Variants in PHF11 observed in about 807,000 individuals in gnomAD.
PHF11 encodes the protein BRCA1 C-terminus-associated protein.
PHF11 carries 38 observed loss-of-function variants against 40.5 expected under a neutral mutation model. The ratio of observed to expected loss-of-function variants is 0.94; its 90% CI spans 0.72 to 1.23. The LOEUF (loss-of-function observed/expected upper bound fraction) is 1.23. PHF11 is among the 50% of genes most tolerant of loss of function. The pLI is 0.00. For missense variants in PHF11, 369 were observed against 392.4 expected, an observed-to-expected ratio of 0.94 and a Z score of 0.50; for synonymous variants, 127 against 138.2, an observed-to-expected ratio of 0.92 and a Z score of 0.57.
chr13:49,500,198 G>A (rs916167883), intron 1 of PHF11, among the ~76,000 whole-genome samples: 2 of 152,090 alleles, frequency 1.3e-5, no homozygotes, highest in African/African-American at 4.8e-5. Context: ...CAATCTTGTC[G>A]GGTCAGGCTC....
chr13:49,513,432 GC>G (rs1443395452), intron 3 of PHF11, among the ~76,000 whole-genome samples: 4 of 150,806 alleles, frequency 2.7e-5, no homozygotes, highest in African/African-American at 9.8e-5. Flanking sequence ...CTGGGTTCAA[GC>G]GATTCTCCTG....
chr13:49,497,038 A>G, intron 1 of PHF11: 3 of 1,232,720 alleles, frequency 2.4e-6, no homozygotes, highest in African/African-American at 1.6e-5. Context: ...TCCATGTTTC[A>G]TGGGCTTACC....
chr13:49,517,913 T>C, intron 3 of PHF11, 105 bp from the exon 4 acceptor site: 2 of 656,138 alleles, frequency 3.0e-6, no homozygotes, highest in Non-Finnish European at 5.2e-6. Flanking sequence ...ATGCCCAGGA[T>C]AAAATGCAGG....
chr13:49,503,874 AGGT>A (rs1958942099), intron 1 of PHF11, among the ~76,000 whole-genome samples: 1 of 152,132 alleles, frequency 6.6e-6, no homozygotes, highest in South Asian at 2.1e-4. Flanking sequence ...CTGGAATTAC[AGGT>A]GTGTGCCACC....
In PHF11 at chr13:49,518,071, CTG is replaced by C; in HGVS notation, c.380_381del (p.Cys127Ter). 1 of 1,598,038 alleles carries C rather than the reference CTG, an allele frequency of 6.3e-7. No individual in the cohort carries two copies. The highest frequency in any genetic ancestry group is 8.6e-7 in the Non-Finnish European group (1 of 1,166,524). ...GATVGCDLKN[C>X]NKNYHFFCAK... The stretch of plus-strand genomic sequence containing the variant: ...CCACCGTGGGATGTGATTTAAAAAA[CTG>C]TAACAAGAATTACCACTTTTTCTGT... On this transcript the variant is annotated frameshift_variant, in exon 4 of 10. Coordinates refer to ENST00000378319, the MANE Select transcript of PHF11 (RefSeq NM_001040443.3). LOFTEE classifies it high-confidence loss of function.
intron 2 of PHF11, among the ~76,000 whole-genome samples, chr13:49,510,048 A>G (rs1336797222): frequency 6.6e-6 from 1 of 151,974 alleles, no homozygotes; most frequent in East Asian, 1.9e-4. Context: ...TTTTGAGACA[A>G]GGTCTCACTC....
At chr13:49,500,341 T>C (rs901794751) in intron 1 of PHF11, among the ~76,000 whole-genome samples, 1 of 152,196 alleles carries the variant, frequency 6.6e-6, no homozygotes, top group African/African-American at 2.4e-5. Context: ...GACACACCTT[T>C]AGGTATCCCT....
At chr13:49,497,286 T>C in intron 1 of PHF11, 1 of 881,146 alleles carries the variant, frequency 1.1e-6, no homozygotes, top group South Asian at 1.4e-5. Context: ...AACCAACTTC[T>C]TCCATTTCTG....
At chr13:49,497,471 G>C (rs747676653) in intron 1 of PHF11, among the ~76,000 whole-genome samples, 21 of 152,072 alleles carry the variant, frequency 1.4e-4, no homozygotes, top group Admixed American at 1.3e-4. Flanking sequence ...TAATGCATCA[G>C]TCGGGCCAGC....
At chr13:49,508,247 ATAT>A (rs948942433) in intron 2 of PHF11, among the ~76,000 whole-genome samples, 50 of 147,246 alleles carry the variant, frequency 3.4e-4, no homozygotes, top group African/African-American at 4.4e-4. Context: ...ATGTATTAAT[ATAT>A]TATTAATGTG....
intron 8 of PHF11, chr13:49,525,660 A>G: frequency 2.9e-6 from 1 of 345,568 alleles, no homozygotes; most frequent in Non-Finnish European, 5.7e-6. Flanking sequence ...AATATAAAAA[A>G]TGTTTATTTG....
chr13:49,524,159 T>G lies in PHF11; in HGVS notation c.712T>G (p.Leu238Val). The change falls in exon 8 of 10, where the codon TTA becomes GTA. Residue 238 changes from leucine to valine, a missense_variant. Physicochemically the swap from Leu to Val is conservative, Grantham distance 32. Transcript: ENST00000378319. ...GLLNYLLEEI[L>V]DKVHSIPEKL... ...TCTTAATTACTTACTTGAAGAAATA[T>G]TAGACAAAGTTCATTCAATTCCAGA... 1 of 1,608,190 alleles carries G rather than the reference T, an allele frequency of 6.2e-7. No homozygotes were observed.
intron 2 of PHF11, among the ~76,000 whole-genome samples, chr13:49,508,043 T>TA (rs1959029897): frequency 6.6e-6 from 1 of 150,624 alleles, no homozygotes; most frequent in East Asian, 1.9e-4. Flanking sequence ...CATTTATAGA[T>TA]GAATTTGGGA....
chr13:49,499,098 T>C (rs1416192630), intron 1 of PHF11, among the ~76,000 whole-genome samples: 1 of 152,254 alleles, frequency 6.6e-6, no homozygotes, highest in African/African-American at 2.4e-5. Flanking sequence ...CTCTTATTTC[T>C]GCATCTCTCA....
chr13:49,506,233 TAAA>T (rs546735570), intron 1 of PHF11, among the ~76,000 whole-genome samples: 7 of 120,552 alleles, frequency 5.8e-5, no homozygotes, highest in Non-Finnish European at 7.1e-5. Flanking sequence ...CCCCGGTCTC[TAAA>T]AAAAAAAAAA....
intron 1 of PHF11, chr13:49,496,318 C>A: frequency 2.2e-6 from 2 of 915,520 alleles, no homozygotes; most frequent in Non-Finnish European, 2.8e-6. Flanking sequence ...AGGCCAGTTC[C>A]ACAGGTGGCT....
intron 4 of PHF11, among the ~76,000 whole-genome samples, chr13:49,519,131 G>A (rs1030602106): frequency 1.3e-5 from 2 of 152,240 alleles, no homozygotes; most frequent in Admixed American, 6.5e-5. Context: ...CACCGCGCCC[G>A]GGCTAAATAA....
intron 3 of PHF11, among the ~76,000 whole-genome samples, chr13:49,517,748 G>C (rs1959168401): frequency 6.6e-6 from 1 of 151,972 alleles, no homozygotes; most frequent in South Asian, 2.1e-4. Context: ...CTGTTTTTTT[G>C]AAACAAAAAG....
At chr13:49,521,793 T>G in intron 5 of PHF11, 1 of 248,108 alleles carries the variant, frequency 4.0e-6, no homozygotes, top group East Asian at 8.5e-5. Flanking sequence ...TTCTATTCAA[T>G]GAACCCTCTC....
Sources: gnomAD v4.1 joint callset for allele counts (sites outside exome capture counted in the v4.1 genomes callset) on GRCh38, gnomAD v4.1.1 for gene constraint, MANE v1.5 for transcripts, NCBI Gene and HGNC (gene_info 2026-07-23, HGNC 2026-07-21) for gene names.